Variants in GRIA4 observed in about 807,000 individuals in gnomAD.
GRIA4 encodes glutamate ionotropic receptor AMPA type subunit 4.
GRIA4 carries 34 observed loss-of-function variants against 104.0 expected under a neutral mutation model. The ratio of observed to expected loss-of-function variants is 0.33; its 90% confidence interval spans 0.25 to 0.44. GRIA4 has a LOEUF of 0.44. Ranked by LOEUF, GRIA4 falls within the 20% of genes least tolerant of loss-of-function variation. The pLI is 1.00. For missense variants in GRIA4, 750 were observed against 1,096.5 expected (o/e 0.68, Z 4.46); for synonymous variants, 386 against 381.9 (o/e 1.01, Z -0.13).
rs2135235200 is a variant in GRIA4 at position 105,610,928 on chromosome 11, C to T, written c.-70C>T. ...TTTAGCGCCATCGTCTTCAATGCTT[C>T]TCTGAACAGCCTTTAGGAAGAGTGC... On this transcript the variant is annotated 5_prime_UTR_variant, in exon 2 of 17. Coordinates refer to ENST00000282499, the MANE Select transcript of GRIA4 (RefSeq NM_000829.4). 4.5e-6 allele frequency: 3 copies of T among 669,690 alleles called. No homozygotes were observed. The highest frequency in any genetic ancestry group is 3.9e-5 in the South Asian group (2 of 51,380). 41.5% of individuals were successfully genotyped at this position (669,690 alleles called of 1,614,324 possible).
chr11:105,892,261 A>G (rs968737607), intron 6 of GRIA4, among the ~76,000 whole-genome samples: 7 of 152,200 alleles, frequency 4.6e-5, no homozygotes, highest in Non-Finnish European at 1.0e-4. Context: ...ATGGCCACCA[A>G]TAGCAAAAAG....
At chr11:105,646,714 G>A (rs1409195180) in intron 3 of GRIA4, among the ~76,000 whole-genome samples, 1 of 152,168 alleles carries the variant, frequency 6.6e-6, no homozygotes, top group African/African-American at 2.4e-5. Flanking sequence ...TTCAATAAAT[G>A]GTGTTGGGAT....
chr11:105,695,535 G>C (rs796102697), intron 3 of GRIA4, among the ~76,000 whole-genome samples: 1 of 151,780 alleles, frequency 6.6e-6, no homozygotes, highest in South Asian at 2.1e-4. Context: ...TGGTAGGGGG[G>C]TGGTTGTCTT....
chr11:105,620,566 G>T (rs939482196), intron 3 of GRIA4, among the ~76,000 whole-genome samples: 4 of 151,750 alleles, frequency 2.6e-5, no homozygotes, highest in Admixed American at 2.6e-4. Flanking sequence ...TTTTCTTAAA[G>T]TTACCTCTGT....
intron 3 of GRIA4, among the ~76,000 whole-genome samples, chr11:105,682,755 A>G (rs918135018): frequency 3.3e-5 from 5 of 152,224 alleles, no homozygotes; most frequent in Non-Finnish European, 7.3e-5. Context: ...AATCTGAAGA[A>G]GAGCAGAACT....
chr11:105,699,434 C>G (rs1316791969), intron 3 of GRIA4, among the ~76,000 whole-genome samples: 3 of 152,178 alleles, frequency 2.0e-5, no homozygotes, highest in Non-Finnish European at 2.9e-5. Flanking sequence ...TGTCAATCTT[C>G]TGTCATCTGG....
In GRIA4 at chr11:105,652,311, C is replaced by A. The variant is rs118093070; in HGVS notation, c.247+39877C>A. Among the ~76,000 whole-genome samples, 945 of 151,848 alleles carry A rather than the reference C, an allele frequency of 6.2e-3. 7 individuals carry two copies. The highest frequency in any genetic ancestry group is 0.011 in the South Asian group (53 of 4,798). On this transcript the variant is annotated intron_variant, in intron 3 of 16. Transcript: ENST00000282499. ...AGAAAGCACAGGAACAAGAACATAC[C>A]GAGAAAGAATGAGAAAATGGAAAGA...
At chr11:105,853,700 T>G (rs567867068) in intron 4 of GRIA4, among the ~76,000 whole-genome samples, 79 of 152,276 alleles carry the variant, frequency 5.2e-4, no homozygotes, top group African/African-American at 1.9e-3. Flanking sequence ...TCCTGGCTCT[T>G]ATACAGATAA....
chr11:105,819,341 C>A (rs987994856), intron 4 of GRIA4, among the ~76,000 whole-genome samples: 5 of 152,112 alleles, frequency 3.3e-5, no homozygotes, highest in African/African-American at 1.2e-4. Flanking sequence ...ATTTCCTCAT[C>A]TGTAAAATAA....
chr11:105,673,819 TATAAA>T (rs1173355263), intron 3 of GRIA4, among the ~76,000 whole-genome samples: 2 of 152,004 alleles, frequency 1.3e-5, no homozygotes, highest in Non-Finnish European at 2.9e-5. Flanking sequence ...ACACAAAATG[TATAAA>T]ATATCTATTA....
At chr11:105,653,999 C>CAAAAAAAAAAAAAAAAAAAAA in intron 3 of GRIA4, among the ~76,000 whole-genome samples, 68 of 50,286 alleles carry the variant, frequency 1.4e-3, no homozygotes, top group African/African-American at 3.1e-3. Flanking sequence ...ACTATTTAGC[C>CAAAAAAAAAAAAAAAAAAAAA]AAAAAAAAAA....
chr11:105,741,885 T>A (rs1364039673), intron 3 of GRIA4, among the ~76,000 whole-genome samples: 2 of 152,178 alleles, frequency 1.3e-5, no homozygotes, highest in East Asian at 3.9e-4. Context: ...GAGAAGCAGG[T>A]CAAAGGGTAC....
At chr11:105,720,255 G>A (rs186959751) in intron 3 of GRIA4, among the ~76,000 whole-genome samples, 13 of 151,718 alleles carry the variant, frequency 8.6e-5, no homozygotes, top group African/African-American at 2.9e-4. Flanking sequence ...CTGGGCCCAC[G>A]TGTCTACATA....
At chr11:105,779,887 AT>A (rs141862640) in intron 4 of GRIA4, among the ~76,000 whole-genome samples, 2,126 of 152,308 alleles carry the variant, frequency 0.014, 64 homozygotes, top group African/African-American at 0.048. Flanking sequence ...ATAGATTATT[AT>A]GAAAAATCAG....
At chr11:105,889,095 T>G (rs1048539675) in intron 6 of GRIA4, among the ~76,000 whole-genome samples, 2 of 152,118 alleles carry the variant, frequency 1.3e-5, no homozygotes, top group African/African-American at 4.8e-5. Flanking sequence ...AACAATAGAA[T>G]TGAGGGGAAA....
chr11:105,935,680 T>C (rs1948013741), intron 14 of GRIA4, among the ~76,000 whole-genome samples: 1 of 152,122 alleles, frequency 6.6e-6, no homozygotes, highest in Non-Finnish European at 1.5e-5. Flanking sequence ...CTTAATTAAT[T>C]CTCTGTGGAT....
Position 105,840,499 on chromosome 11 carries a change from T to C in GRIA4, c.488-21525T>C, listed in dbSNP as rs150535597. 6.9e-3 allele frequency among the ~76,000 whole-genome samples: 1,052 copies of C among 152,328 alleles called. 21 individuals are homozygous for C. Among genetic ancestry groups the C allele is most frequent in the African/African-American group, 0.024 (1,014 of 41,582 alleles). Reference sequence around the variant, plus strand: ...TGGCAGGGGAACACGAACTGACTTATTTTAACAGAAATGTCCAAATATATC... The same window carrying C: ...TGGCAGGGGAACACGAACTGACTTACTTTAACAGAAATGTCCAAATATATC... On this transcript the variant is annotated intron_variant, in intron 4 of 16. Coordinates refer to ENST00000282499, the MANE Select transcript of GRIA4 (RefSeq NM_000829.4).
intron 3 of GRIA4, among the ~76,000 whole-genome samples, chr11:105,628,775 T>C (rs1950955440): frequency 6.6e-6 from 1 of 152,188 alleles, no homozygotes; most frequent in South Asian, 2.1e-4. Context: ...TTGTATGTTA[T>C]AAAAACAAAG....
intron 11 of GRIA4, among the ~76,000 whole-genome samples, chr11:105,920,241 A>C (rs915631816): frequency 6.6e-6 from 1 of 152,170 alleles, no homozygotes; most frequent in African/African-American, 2.4e-5. Context: ...AAATAGCAAA[A>C]TGTATTTTAC....
Sources: allele counts gnomAD v4.1 joint callset (sites outside exome capture counted in the v4.1 genomes callset), GRCh38; gene constraint gnomAD v4.1.1; transcripts MANE v1.5; gene names NCBI Gene and HGNC (gene_info 2026-07-23, HGNC 2026-07-21).